The following PSMG2 variants were observed in gnomAD, a reference collection of about 807,000 sequenced individuals.
PSMG2 encodes proteasome assembly chaperone 2.
In PSMG2, 21 loss-of-function variants were observed where a neutral mutation model predicts 31.5. That is an observed-to-expected ratio of 0.67 (90% confidence interval 0.47 to 0.96). The LOEUF (loss-of-function observed/expected upper bound fraction) is 0.96. Ranked by LOEUF, PSMG2 falls within the 40% of genes least tolerant of loss-of-function variation. The probability of loss-of-function intolerance (pLI) is 0.00; values close to 1 mark genes in which losing one functional copy is unlikely to be tolerated. For missense variants in PSMG2, 318 were observed against 321.2 expected (o/e 0.99, Z 0.08); for synonymous variants, 120 against 110.4 (o/e 1.09, Z -0.54).
chr18:12,683,327 G>C (rs1477216460), intron 1 of PSMG2, among the ~76,000 whole-genome samples: 1 of 151,554 alleles, frequency 6.6e-6, no homozygotes, highest in Admixed American at 6.6e-5. Flanking sequence ...ACTCCAGCCT[G>C]GGCGACAGAG....
At chr18:12,682,704 C>T (rs1470178421) in intron 1 of PSMG2, among the ~76,000 whole-genome samples, 1 of 152,064 alleles carries the variant, frequency 6.6e-6, no homozygotes, top group African/African-American at 2.4e-5. Context: ...CCTCGGCTCA[C>T]TACAACCTCC....
chr18:12,694,011 T>C (rs533723103), intron 1 of PSMG2, among the ~76,000 whole-genome samples: 2 of 152,148 alleles, frequency 1.3e-5, no homozygotes, highest in African/African-American at 4.8e-5. Flanking sequence ...TTTTAAAATT[T>C]TTGTAGAGAC....
chr18:12,717,831 G>A (rs966687028), intron 3 of PSMG2, among the ~76,000 whole-genome samples: 1 of 152,048 alleles, frequency 6.6e-6, no homozygotes, highest in Admixed American at 6.6e-5. Flanking sequence ...GTTTCCATGT[G>A]ACCAGATTCG....
intron 1 of PSMG2, chr18:12,674,563 G>C (rs147413628): frequency 6.2e-7 from 1 of 1,613,678 alleles, no homozygotes; most frequent in Non-Finnish European, 8.5e-7. Flanking sequence ...TGCACGTCTT[G>C]CATTTCTATA....
intron 1 of PSMG2, chr18:12,674,477 G>A (rs1320171167): frequency 8.0e-7 from 1 of 1,253,338 alleles, no homozygotes; most frequent in Admixed American, 1.9e-5. Flanking sequence ...AAAAACCCCT[G>A]CCGGACTGAT....
intron 1 of PSMG2, among the ~76,000 whole-genome samples, chr18:12,676,892 C>A (rs2039153340): frequency 6.6e-6 from 1 of 152,096 alleles, no homozygotes; most frequent in Admixed American, 6.6e-5. Context: ...CCAAAGAACA[C>A]AGAAAACAGG....
chr18:12,703,793 A>G (rs563265698), intron 1 of PSMG2, among the ~76,000 whole-genome samples: 1 of 152,296 alleles, frequency 6.6e-6, no homozygotes, highest in East Asian at 1.9e-4. Context: ...GCTTGTTAAG[A>G]AAGGCTTTAT....
Position 12,703,131 on chromosome 18 carries a change from G to T in PSMG2, c.24G>T (p.Ser8=). Residue 8 remains serine (S), a synonymous_variant, in exon 1 of 7, where the codon TCG becomes TCT. Transcript: ENST00000317615. ...CCATGTTCGTTCCCTGCGGGGAGTCGGCCCCCGACCTTGCCGGCTTCACCC... is the reference window on the plus strand; with the variant it reads ...CCATGTTCGTTCCCTGCGGGGAGTCTGCCCCCGACCTTGCCGGCTTCACCC... The part of the protein sequence containing the change: MFVPCGE[S]APDLAGFTLL... 1.2e-6 allele frequency: 2 copies of T among 1,612,398 alleles called. No homozygotes were observed. Among genetic ancestry groups the T allele is most frequent in the South Asian group, 2.2e-5 (2 of 90,724 alleles).
At chr18:12,724,763 A>G (rs1047139269) in intron 6 of PSMG2, 144 bp downstream of exon 6, 2 of 975,140 alleles carry the variant, frequency 2.1e-6, no homozygotes, top group African/African-American at 1.7e-5. Context: ...TTTAAGCTGA[A>G]CTTTTGAAAA....
intron 2 of PSMG2, 33 bp from the exon 3 acceptor site, chr18:12,712,669 T>C: frequency 6.7e-7 from 1 of 1,486,628 alleles, no homozygotes; most frequent in Non-Finnish European, 9.3e-7. Context: ...AACTTCACTG[T>C]CATATGATTT....
chr18:12,676,648 G>A (rs2039145886), intron 1 of PSMG2, among the ~76,000 whole-genome samples: 1 of 152,120 alleles, frequency 6.6e-6, no homozygotes, highest in Admixed American at 6.6e-5. Flanking sequence ...GCCAATACAA[G>A]TGATGGAAGG....
chr18:12,691,381 C>T (rs1243169619), intron 1 of PSMG2: 2 of 1,599,818 alleles, frequency 1.3e-6, no homozygotes, highest in East Asian at 2.2e-5. Context: ...CTTAACCAGT[C>T]GTGAGTTGTG....
intron 4 of PSMG2, among the ~76,000 whole-genome samples, chr18:12,720,300 G>A (rs1236782974): frequency 6.6e-6 from 1 of 152,176 alleles, no homozygotes; most frequent in Non-Finnish European, 1.5e-5. Context: ...GGAAATTTTT[G>A]CAATGGGCTT....
At chr18:12,680,596 CAAAAAAAA>C (rs34861312) in intron 1 of PSMG2, 15 of 752,948 alleles carry the variant, frequency 2.0e-5, no homozygotes, top group Admixed American at 8.1e-5. Flanking sequence ...GACTCCATCT[CAAAAAAAA>C]AAAAAAAAAA....
intron 1 of PSMG2, among the ~76,000 whole-genome samples, chr18:12,667,622 G>A (rs377655634): frequency 1.8e-4 from 28 of 151,776 alleles, no homozygotes; most frequent in South Asian, 4.2e-4. Flanking sequence ...TTAGCCGGGC[G>A]TGGTGGCACG....
Position 12,683,002 on chromosome 18 carries a change from A to G in PSMG2, c.-36-23548A>G, listed in dbSNP as rs560722606. Reference sequence around the variant, plus strand: ...AAGTAAAATAAAAATATCTGCAAAGATAGTCAGTGTGAAAGTTCATTCATG... The same window carrying G: ...AAGTAAAATAAAAATATCTGCAAAGGTAGTCAGTGTGAAAGTTCATTCATG... On this transcript the variant is annotated intron_variant, in intron 1 of 6. Coordinates refer to the PSMG2 transcript ENST00000585331. 3.3e-5 allele frequency among the ~76,000 whole-genome samples: 5 copies of G among 152,132 alleles called. No individual in the cohort carries two copies. In the South Asian group the frequency reaches 1.0e-3, roughly 32 times the overall value.
At chr18:12,694,296 C>T (rs2039871997) in intron 1 of PSMG2, among the ~76,000 whole-genome samples, 1 of 152,140 alleles carries the variant, frequency 6.6e-6, no homozygotes, top group Non-Finnish European at 1.5e-5. Context: ...AACCACAGGT[C>T]TGTAAAAGGA....
In PSMG2 at chr18:12,713,748, C is replaced by T. The variant is rs2145142657; in HGVS notation, c.288+988C>T. 2.6e-5 allele frequency among the ~76,000 whole-genome samples: 4 copies of T among 152,040 alleles called. No homozygotes were observed. In the South Asian group the frequency reaches 6.2e-4, roughly 24 times the overall value. On this transcript the variant is annotated intron_variant, in intron 3 of 6. Coordinates refer to ENST00000317615, the MANE Select transcript of PSMG2 (RefSeq NM_020232.5). ...AAGTAGTTTCTTATCTGCTACCCTG[C>T]AAACTCAATAATTTCTTTCTTTTTT...
At chr18:12,715,737 C>T (rs2040370362) in intron 3 of PSMG2, among the ~76,000 whole-genome samples, 1 of 152,150 alleles carries the variant, frequency 6.6e-6, no homozygotes, top group African/African-American at 2.4e-5. Context: ...CACTCCTGAC[C>T]TTAGGTGATC....
Sources: allele counts gnomAD v4.1 joint callset (sites outside exome capture counted in the v4.1 genomes callset), GRCh38; gene constraint gnomAD v4.1.1; transcripts MANE v1.5; gene names NCBI Gene and HGNC (gene_info 2026-07-23, HGNC 2026-07-21).